The following ATE1 variants were observed in gnomAD, a reference collection of about 807,000 sequenced individuals.
ATE1 encodes the protein arginyl-tRNA--protein transferase 1.
ATE1 carries 36 observed loss-of-function variants against 70.5 expected under a neutral mutation model. The ratio of observed to expected loss-of-function variants is 0.51; its 90% CI spans 0.39 to 0.67. The LOEUF (loss-of-function observed/expected upper bound fraction) is 0.67. ATE1 is among the 30% of genes least tolerant of loss of function. ATE1 has a pLI of 0.00. For synonymous variants in ATE1, 232 were observed against 219.3 expected, an observed-to-expected ratio of 1.06 and a Z score of -0.51; for missense variants, 593 against 629.5, an observed-to-expected ratio of 0.94 and a Z score of 0.62.
chr10:121,888,072 A>G (rs1286920679), intron 7 of ATE1, among the ~76,000 whole-genome samples: 1 of 152,230 alleles, frequency 6.6e-6, no homozygotes, highest in African/African-American at 2.4e-5. Context: ...TTAAAATGAG[A>G]AGATCTAATT....
Position 121,899,965 on chromosome 10 carries a change from A to C in ATE1, c.843T>G (p.Ser281Arg). Residue 281 changes from serine to arginine, a missense_variant, in exon 7 of 12, where the codon AGT (serine) becomes AGG (arginine). By Grantham distance (110) the Ser-to-Arg change is moderately radical (BLOSUM62 -1). Around this residue, in one of 3 missense-constraint regions of ATE1, gnomAD observed 467 missense variants for 469.6 expected, o/e 0.99. Transcript: ENST00000224652. ...EVRVVRSSPP[S>R]SQFKATLLES... is the part of the protein sequence containing the mutation. ...CCAGAAGTGTGGCTTTGAACTGCGA[A>C]CTTGGTGGAGATGATCTCACCACCC... 2 of 1,613,976 alleles carry C rather than the reference A, an allele frequency of 1.2e-6. No homozygotes were observed. The highest frequency in any genetic ancestry group is 1.7e-6 in the Non-Finnish European group (2 of 1,179,878).
intron 9 of ATE1, 76 bp from the exon 10 acceptor site, chr10:121,836,893 G>A: frequency 1.1e-6 from 1 of 905,124 alleles, no homozygotes. Flanking sequence ...TAATTTGATG[G>A]TAAACATTTG....
chr10:121,767,927 G>A (rs1049158829), intron 11 of ATE1, among the ~76,000 whole-genome samples: 5 of 152,128 alleles, frequency 3.3e-5, no homozygotes, highest in South Asian at 2.1e-4. Context: ...GTACACCCAT[G>A]GTCATAGCAG....
intron 8 of ATE1, among the ~76,000 whole-genome samples, chr10:121,849,467 T>C (rs1001196885): frequency 3.3e-5 from 5 of 152,172 alleles, no homozygotes. Context: ...TGTCCTACCA[T>C]AGACATTACT....
At chr10:121,828,339 G>A (rs546247435) in intron 10 of ATE1, among the ~76,000 whole-genome samples, 1 of 152,308 alleles carries the variant, frequency 6.6e-6, no homozygotes, top group East Asian at 1.9e-4. Context: ...AAACGTAGTG[G>A]CCTTAAACAA....
At chr10:121,893,074 G>A (rs564543840) in intron 7 of ATE1, among the ~76,000 whole-genome samples, 28 of 151,916 alleles carry the variant, frequency 1.8e-4, no homozygotes, top group Non-Finnish European at 3.1e-4. Flanking sequence ...TCAGGAGATC[G>A]AGACCATCCT....
chr10:121,758,288 T>C (rs1382506967), intron 11 of ATE1, among the ~76,000 whole-genome samples: 1 of 152,234 alleles, frequency 6.6e-6, no homozygotes, highest in Non-Finnish European at 1.5e-5. Flanking sequence ...ATTACCATGA[T>C]GGTAAATGGA....
chr10:121,900,311 C>A (rs1439340916), intron 6 of ATE1, among the ~76,000 whole-genome samples: 2 of 152,144 alleles, frequency 1.3e-5, no homozygotes, highest in African/African-American at 4.8e-5. Flanking sequence ...CATACACACA[C>A]AAATAAATAC....
At chr10:121,811,861 G>T (rs1947330502) in intron 10 of ATE1, among the ~76,000 whole-genome samples, 1 of 151,910 alleles carries the variant, frequency 6.6e-6, no homozygotes, top group African/African-American at 2.4e-5. Context: ...AGAGCTAGGG[G>T]CAATGTAACT....
intron 10 of ATE1, among the ~76,000 whole-genome samples, chr10:121,833,233 A>G (rs1375613520): frequency 6.6e-6 from 1 of 152,040 alleles, no homozygotes; most frequent in Non-Finnish European, 1.5e-5. Flanking sequence ...AGAACTGCGT[A>G]TCTGTTACTA....
At chr10:121,838,460 G>A (rs183584814) in intron 9 of ATE1, among the ~76,000 whole-genome samples, 4 of 152,112 alleles carry the variant, frequency 2.6e-5, no homozygotes, top group East Asian at 3.9e-4. Flanking sequence ...TGGCCACCTC[G>A]AGGCACTTAG....
At chr10:121,921,186 C>A (rs961648857) in intron 3 of ATE1, among the ~76,000 whole-genome samples, 1 of 151,796 alleles carries the variant, frequency 6.6e-6, no homozygotes, top group Non-Finnish European at 1.5e-5. Flanking sequence ...AGGTACTGAT[C>A]GTCATACCAA....
intron 7 of ATE1, among the ~76,000 whole-genome samples, chr10:121,874,998 C>A (rs141393846): frequency 2.0e-5 from 3 of 146,612 alleles, no homozygotes; most frequent in East Asian, 2.1e-4. Flanking sequence ...AAAAAAAATA[C>A]AAAAATTAGC....
chr10:121,829,433 C>CA (rs897063053), intron 10 of ATE1, among the ~76,000 whole-genome samples: 5 of 150,208 alleles, frequency 3.3e-5, no homozygotes, highest in African/African-American at 7.4e-5. Flanking sequence ...AAAAAGAAAA[C>CA]AAAAAAAAAG....
At chr10:121,756,370 G>A (rs1944801759) in intron 11 of ATE1, among the ~76,000 whole-genome samples, 2 of 152,168 alleles carry the variant, frequency 1.3e-5, no homozygotes, top group Non-Finnish European at 2.9e-5. Context: ...GCACAGTGCA[G>A]GCTGTTGGTA....
intron 10 of ATE1, among the ~76,000 whole-genome samples, chr10:121,830,015 A>T (rs1948174915): frequency 6.6e-6 from 1 of 152,210 alleles, no homozygotes; most frequent in South Asian, 2.1e-4. Context: ...CTAGACCTTC[A>T]ATTTGCAATG....
chr10:121,818,256 C>A (rs76716371), intron 10 of ATE1, among the ~76,000 whole-genome samples: 107 of 63,398 alleles, frequency 1.7e-3, no homozygotes, highest in South Asian at 4.6e-3. Context: ...GACTCCATCT[C>A]AAAAAAAAAA....
chr10:121,856,685 GCA>G, intron 8 of ATE1, among the ~76,000 whole-genome samples: 1 of 152,186 alleles, frequency 6.6e-6, no homozygotes, highest in Non-Finnish European at 1.5e-5. Flanking sequence ...GTGTGCAACA[GCA>G]CATCCAAATG....
chr10:121,767,768 G>A (rs1007259161), intron 11 of ATE1, among the ~76,000 whole-genome samples: 1 of 152,132 alleles, frequency 6.6e-6, no homozygotes, highest in African/African-American at 2.4e-5. Context: ...GGAGAAACGG[G>A]AAATCTTGTG....
Sources: allele counts gnomAD v4.1 joint callset (sites outside exome capture counted in the v4.1 genomes callset), GRCh38; gene constraint gnomAD v4.1.1; regional missense constraint gnomAD v4.1.1; transcripts MANE v1.5; gene names NCBI Gene and HGNC (gene_info 2026-07-23, HGNC 2026-07-21).